The following SPHKAP variants were observed in gnomAD, a reference collection of about 807,000 sequenced individuals.
SPHKAP encodes SPHK1 interactor, AKAP domain containing.
In SPHKAP, 67 loss-of-function variants were observed where a neutral mutation model predicts 137.5. The ratio of observed to expected loss-of-function variants is 0.49; its 90% CI spans 0.40 to 0.60. The LOEUF (loss-of-function observed/expected upper bound fraction) is 0.60. Among genes scored for constraint, SPHKAP ranks in the 20% least tolerant of loss-of-function variants. The pLI is 0.00. For missense variants in SPHKAP, 2,097 were observed against 2,069.3 expected (o/e 1.01, Z -0.26); for synonymous variants, 813 against 785.3 (o/e 1.04, Z -0.59).
At chr2:228,167,067 C>T (rs1439486210) in intron 1 of SPHKAP, among the ~76,000 whole-genome samples, 1 of 152,124 alleles carries the variant, frequency 6.6e-6, no homozygotes, top group Non-Finnish European at 1.5e-5. Flanking sequence ...AAACCCGGCC[C>T]CATGATCCAA....
chr2:228,050,658 C>T (rs186800512), intron 3 of SPHKAP, among the ~76,000 whole-genome samples: 25 of 152,284 alleles, frequency 1.6e-4, no homozygotes, highest in Admixed American at 1.2e-3. Context: ...TTCTTTTCCT[C>T]TAGCGATTTT....
chr2:228,036,722 T>C (rs1274239471), intron 3 of SPHKAP, among the ~76,000 whole-genome samples: 1 of 152,166 alleles, frequency 6.6e-6, no homozygotes, highest in Non-Finnish European at 1.5e-5. Context: ...GATGAGTTCA[T>C]GTCCTTTGTA....
Position 227,995,381 on chromosome 2 carries a change from G to T in SPHKAP, c.4634+128C>A, listed in dbSNP as rs1022124254. The T allele has an allele frequency of 3.0e-5, 33 of 1,111,384 alleles. No homozygotes were observed. The South Asian group carries it at 3.2e-4, about 11-fold the overall frequency. 68.8% of individuals were successfully genotyped at this position (1,111,384 alleles called of 1,614,324 possible). A position where few individuals can be genotyped will look rare whatever the true frequency, so the allele number is the denominator to read the frequency against. Reference sequence around the variant, plus strand: ...GACAGGCAGGCCCCTCGACATAGTGGGAACTTTCCTTTTTTTGTTCTCTCC... The same window carrying T: ...GACAGGCAGGCCCCTCGACATAGTGTGAACTTTCCTTTTTTTGTTCTCTCC... On this transcript the variant is annotated intron_variant, in intron 8 of 11. Coordinates refer to ENST00000392056, the MANE Select transcript of SPHKAP (RefSeq NM_001142644.2).
rs1346673732 is a variant in SPHKAP, at chr2:228,019,493, T to C, written c.1361A>G (p.Gln454Arg). ...WNELPKIVVV[Q>R]SPDGSDAAPQ... ...GGCAGCATCACTGCCATCTGGACTC[T>C]GAACAACGACGATTTTGGGGAGCTC... The change falls in exon 7 of 12, where the codon CAG becomes CGG. Residue 454 changes from glutamine to arginine, a missense_variant. Transcript: ENST00000392056. 6.2e-7 allele frequency: 1 copy of C among 1,614,192 alleles called. No individual in the cohort carries two copies. The highest frequency in any genetic ancestry group is 1.1e-5 in the South Asian group (1 of 91,082).
chr2:228,016,531 C>T lies in SPHKAP; in HGVS notation c.4323G>A (p.Gly1441=), dbSNP rs370817362. 14 of 1,613,948 alleles carry T rather than the reference C, an allele frequency of 8.7e-6. No homozygotes were observed. Among genetic ancestry groups the T allele is most frequent in the Admixed American group, 3.3e-5 (2 of 59,990 alleles). ...TTTTGGAAAGGAAGGGTTCAGGTTC[C>T]CCAGCACAGGCTTCTCTCTGATCTG... The part of the protein sequence containing the change: ...IETDQREACA[G]EPEPFLSKSS... The change falls in exon 7 of 12, where the codon GGG becomes GGA. Residue 1441 remains glycine (G), a synonymous_variant. Coordinates refer to ENST00000392056, the MANE Select transcript of SPHKAP (RefSeq NM_001142644.2).
Position 228,016,406 on chromosome 2 carries a change from C to A in SPHKAP, c.4448G>T (p.Ser1483Ile). 6.3e-7 allele frequency: 1 copy of A among 1,584,266 alleles called. No homozygotes were observed. The change falls in exon 7 of 12, where the codon AGT becomes ATT. Residue 1483 changes from serine (S) to isoleucine (I), a missense_variant and splice_region_variant. Transcript: ENST00000392056. ...ATGTAGTCTGAGACGATTCACTCAC[C>A]TATGGATTTGACAAGCGCTCACGGC... is the stretch of plus-strand genomic sequence containing the variant. ...DTAVSACQIH[S>I]DSLDTRDVPE...
At chr2:228,161,767 T>C in intron 1 of SPHKAP, among the ~76,000 whole-genome samples, 1 of 151,974 alleles carries the variant, frequency 6.6e-6, no homozygotes, top group East Asian at 1.9e-4. Flanking sequence ...CAAATCCACA[T>C]TGCATCTAAT....
intron 1 of SPHKAP, among the ~76,000 whole-genome samples, chr2:228,177,169 G>A: frequency 6.6e-6 from 1 of 151,412 alleles, no homozygotes; most frequent in Middle Eastern, 3.2e-3. Context: ...TATCTGAAGT[G>A]TAGTTTTAAT....
At chr2:228,125,517 G>T (rs1380517288) in intron 2 of SPHKAP, among the ~76,000 whole-genome samples, 2 of 152,152 alleles carry the variant, frequency 1.3e-5, no homozygotes, top group African/African-American at 4.8e-5. Context: ...AGTCAGACAG[G>T]TTACATCACC....
intron 1 of SPHKAP, among the ~76,000 whole-genome samples, chr2:228,134,976 T>C (rs1192009828): frequency 6.6e-6 from 1 of 152,048 alleles, no homozygotes; most frequent in Non-Finnish European, 1.5e-5. Context: ...TGAAACGTCG[T>C]AGAAAGACCA....
chr2:227,981,541 A>G lies in SPHKAP; in HGVS notation c.*176T>C, dbSNP rs1692993362. ...AAGTTGTATGAATTTGGACAGACCT[A>G]TATTTTGCTTTTCCTCTGACTTATT... On this transcript the variant is annotated 3_prime_UTR_variant, in exon 12 of 12. Coordinates refer to ENST00000392056, the MANE Select transcript of SPHKAP (RefSeq NM_001142644.2). The G allele has an allele frequency of 4.6e-6, 3 of 649,134 alleles. No individual in the cohort carries two copies. The highest frequency in any genetic ancestry group is 3.9e-5 in the Admixed American group (1 of 25,792). The allele number at this position is 649,134 out of a possible 1,614,324, so 40.2% of individuals were successfully genotyped here.
At chr2:228,130,546 T>C (rs905448316) in intron 2 of SPHKAP, among the ~76,000 whole-genome samples, 2 of 152,212 alleles carry the variant, frequency 1.3e-5, no homozygotes, top group Non-Finnish European at 2.9e-5. Context: ...TCAGGCAGTC[T>C]GGATTCAATT....
intron 3 of SPHKAP, among the ~76,000 whole-genome samples, chr2:228,062,156 C>CT (rs924547370): frequency 2.1e-4 from 31 of 150,518 alleles, no homozygotes; most frequent in Admixed American, 6.0e-4. Flanking sequence ...CTCCCCTGAC[C>CT]TTTTTTTTTA....
chr2:228,032,442 G>A (rs533534915), intron 3 of SPHKAP, among the ~76,000 whole-genome samples: 2 of 152,310 alleles, frequency 1.3e-5, no homozygotes, highest in South Asian at 2.1e-4. Flanking sequence ...ATGGAACCAA[G>A]TTGGAAAACA....
intron 2 of SPHKAP, among the ~76,000 whole-genome samples, chr2:228,122,837 T>G (rs1215863094): frequency 6.6e-6 from 1 of 152,198 alleles, no homozygotes; most frequent in Non-Finnish European, 1.5e-5. Flanking sequence ...AGAGGGAATG[T>G]GGTGGCTGGC....
At chr2:228,006,024 T>C (rs1009790840) in intron 7 of SPHKAP, among the ~76,000 whole-genome samples, 2 of 152,106 alleles carry the variant, frequency 1.3e-5, no homozygotes, top group African/African-American at 4.8e-5. Context: ...TGTCTTGGAG[T>C]TGCTCTTCTC....
chr2:228,157,928 T>C (rs1462051065), intron 1 of SPHKAP, among the ~76,000 whole-genome samples: 1 of 152,206 alleles, frequency 6.6e-6, no homozygotes, highest in African/African-American at 2.4e-5. Context: ...TAGATAGTTT[T>C]ACTTTTTATT....
intron 11 of SPHKAP, among the ~76,000 whole-genome samples, chr2:227,990,664 CTTCT>C (rs1486271173): frequency 2.0e-5 from 3 of 152,084 alleles, no homozygotes; most frequent in Non-Finnish European, 4.4e-5. Context: ...ATATCAGGTT[CTTCT>C]TTCTTTCTTT....
At chr2:228,104,770 G>T (rs1255337625) in intron 3 of SPHKAP, among the ~76,000 whole-genome samples, 1 of 152,166 alleles carries the variant, frequency 6.6e-6, no homozygotes, top group Non-Finnish European at 1.5e-5. Context: ...TTTGGGGGAT[G>T]ATAGCTGGTA....
Sources: gnomAD v4.1 joint callset for allele counts (sites outside exome capture counted in the v4.1 genomes callset) on GRCh38, gnomAD v4.1.1 for gene constraint, MANE v1.5 for transcripts, NCBI Gene and HGNC (gene_info 2026-07-23, HGNC 2026-07-21) for gene names.